Variants in TBC1D12 observed in about 807,000 individuals in gnomAD.
The protein encoded by TBC1D12 is TBC1 domain family, member 12.
TBC1D12 carries 56 observed loss-of-function variants against 86.7 expected under a neutral mutation model. The ratio of observed to expected loss-of-function variants is 0.65; its 90% CI spans 0.52 to 0.81. TBC1D12 has a LOEUF of 0.81. Ranked by LOEUF, TBC1D12 falls within the 30% of genes least tolerant of loss-of-function variation. The pLI is 0.00. For missense variants in TBC1D12, 1,023 were observed against 1,038.8 expected (o/e 0.98, Z 0.21); for synonymous variants, 421 against 411.7 (o/e 1.02, Z -0.27).
intron 1 of TBC1D12, among the ~76,000 whole-genome samples, chr10:94,425,199 A>C (rs969094394): frequency 6.6e-6 from 1 of 152,136 alleles, no homozygotes; most frequent in African/African-American, 2.4e-5. Flanking sequence ...TGTGACTGTA[A>C]AGAGATAGCA....
intron 1 of TBC1D12, among the ~76,000 whole-genome samples, chr10:94,426,819 A>G (rs2055153167): frequency 6.6e-6 from 1 of 151,994 alleles, no homozygotes; most frequent in South Asian, 2.1e-4. Context: ...CTCTTGATCC[A>G]CCCACTTCGG....
chr10:94,484,982 T>C (rs1209421703), intron 3 of TBC1D12, among the ~76,000 whole-genome samples: 1 of 152,226 alleles, frequency 6.6e-6, no homozygotes, highest in Non-Finnish European at 1.5e-5. Flanking sequence ...TTGTTTATCA[T>C]TTTTAATAGT....
chr10:94,425,654 T>A (rs2055136381), intron 1 of TBC1D12, among the ~76,000 whole-genome samples: 1 of 152,236 alleles, frequency 6.6e-6, no homozygotes, highest in Non-Finnish European at 1.5e-5. Context: ...AGACAGCTAA[T>A]TAAATTTGCA....
At chr10:94,524,479 G>A (rs111457205) in intron 11 of TBC1D12, among the ~76,000 whole-genome samples, 72 of 152,216 alleles carry the variant, frequency 4.7e-4, no homozygotes, top group Non-Finnish European at 7.1e-4. Context: ...GATGGCTCAC[G>A]CCTGTAATCC....
At chr10:94,438,095 C>G (rs2055331020) in intron 1 of TBC1D12, among the ~76,000 whole-genome samples, 1 of 117,764 alleles carries the variant, frequency 8.5e-6, no homozygotes, top group Admixed American at 1.1e-4. Context: ...ATTCCTTTTT[C>G]TAGGGAATGG....
intron 8 of TBC1D12, 124 bp downstream of exon 8, chr10:94,510,303 T>C (rs1001068345): frequency 1.7e-6 from 1 of 580,730 alleles, no homozygotes; most frequent in Non-Finnish European, 2.9e-6. Context: ...GGGGACCCTG[T>C]ATAAAAAGTG....
intron 3 of TBC1D12, among the ~76,000 whole-genome samples, chr10:94,486,267 C>T (rs1019833373): frequency 1.3e-5 from 2 of 151,620 alleles, no homozygotes; most frequent in African/African-American, 4.8e-5. Flanking sequence ...CCCACCTCAG[C>T]CTCCTGAGTA....
intron 2 of TBC1D12, among the ~76,000 whole-genome samples, chr10:94,465,381 C>A (rs1211940324): frequency 6.6e-6 from 1 of 152,152 alleles, no homozygotes; most frequent in Non-Finnish European, 1.5e-5. Flanking sequence ...GGCGCAGTGG[C>A]CCACGCCTGT....
chr10:94,529,774 C>T (rs1193703839), intron 11 of TBC1D12, among the ~76,000 whole-genome samples: 1 of 151,880 alleles, frequency 6.6e-6, no homozygotes, highest in African/African-American at 2.4e-5. Context: ...AAAAAAAAGT[C>T]CTCCATTGTC....
At chr10:94,441,006 C>T (rs369397081) in intron 1 of TBC1D12, among the ~76,000 whole-genome samples, 8 of 152,116 alleles carry the variant, frequency 5.3e-5, no homozygotes, top group Non-Finnish European at 8.8e-5. Context: ...CCCACCACCA[C>T]GCTTGGCTAA....
At chr10:94,500,951 G>A (rs1248307606) in intron 6 of TBC1D12, among the ~76,000 whole-genome samples, 1 of 152,124 alleles carries the variant, frequency 6.6e-6, no homozygotes, top group Non-Finnish European at 1.5e-5. Context: ...AGCTACTTGG[G>A]AGGCTGAGGT....
At chr10:94,515,052 C>T (rs1420240011) in intron 9 of TBC1D12, among the ~76,000 whole-genome samples, 2 of 149,374 alleles carry the variant, frequency 1.3e-5, no homozygotes, top group South Asian at 2.1e-4. Context: ...GGACTACAGG[C>T]GCCCGCCACT....
In TBC1D12 at chr10:94,483,163, G is replaced by A. The variant is rs573327764; in HGVS notation, c.1211+8380G>A. Among the ~76,000 whole-genome samples, 4 of 150,370 alleles carry A rather than the reference G, an allele frequency of 2.7e-5. No individual in the cohort carries two copies. In the East Asian group the frequency reaches 7.9e-4, roughly 30 times the overall value. Reference sequence around the variant, plus strand: ...CCACATTTTCTTTACCCACTCATCTGTTGATGGACACAGGTTGCTTCCAAA... The same window carrying A: ...CCACATTTTCTTTACCCACTCATCTATTGATGGACACAGGTTGCTTCCAAA... On this transcript the variant is annotated intron_variant, in intron 3 of 12. Transcript: ENST00000225235.
chr10:94,433,799 C>T (rs1291331025), intron 1 of TBC1D12, among the ~76,000 whole-genome samples: 1 of 152,048 alleles, frequency 6.6e-6, no homozygotes, highest in African/African-American at 2.4e-5. Flanking sequence ...ATGCTTAAGC[C>T]CTTCTATTTT....
At chr10:94,465,737 TATACATAC>T (rs201192093) in intron 2 of TBC1D12, among the ~76,000 whole-genome samples, 1 of 150,640 alleles carries the variant, frequency 6.6e-6, no homozygotes, top group Non-Finnish European at 1.5e-5. Context: ...CATACATACG[TATACATAC>T]ATACATATGT....
chr10:94,433,498 G>A (rs1353996564), intron 1 of TBC1D12, among the ~76,000 whole-genome samples: 1 of 152,126 alleles, frequency 6.6e-6, no homozygotes, highest in Non-Finnish European at 1.5e-5. Flanking sequence ...AAAAAATTCT[G>A]TAACTTATAG....
intron 2 of TBC1D12, among the ~76,000 whole-genome samples, chr10:94,460,692 C>T (rs999656170): frequency 6.6e-6 from 1 of 151,134 alleles, no homozygotes; most frequent in Non-Finnish European, 1.5e-5. Flanking sequence ...ATTTCTTCTT[C>T]CTTCTCTCTG....
At chr10:94,486,998 G>T (rs1250328370) in intron 3 of TBC1D12, among the ~76,000 whole-genome samples, 1 of 152,050 alleles carries the variant, frequency 6.6e-6, no homozygotes, top group African/African-American at 2.4e-5. Context: ...AGTGTTGGGT[G>T]CATATAGATT....
At chr10:94,447,057 CAAAAAAAAA>C (rs35395527) in intron 2 of TBC1D12, among the ~76,000 whole-genome samples, 1 of 100,474 alleles carries the variant, frequency 1.0e-5, no homozygotes, top group East Asian at 2.6e-4. Flanking sequence ...TGAGCTGTTT[CAAAAAAAAA>C]AAAAAAAAAA....
Sources: gnomAD v4.1 joint callset for allele counts (sites outside exome capture counted in the v4.1 genomes callset) on GRCh38, gnomAD v4.1.1 for gene constraint, MANE v1.5 for transcripts, NCBI Gene and HGNC (gene_info 2026-07-23, HGNC 2026-07-21) for gene names.